The following ESR2 variants were observed in gnomAD, a reference collection of about 807,000 sequenced individuals.
The protein encoded by ESR2 is estrogen receptor 2.
In ESR2, 36 loss-of-function variants were observed where a neutral mutation model predicts 49.6. That is an observed-to-expected ratio of 0.73 (90% CI 0.56 to 0.96). The LOEUF (loss-of-function observed/expected upper bound fraction) is 0.96. Ranked by LOEUF, ESR2 falls within the 40% of genes least tolerant of loss-of-function variation. The pLI, the probability that ESR2 is intolerant of heterozygous loss-of-function variation, is 0.00. For synonymous variants in ESR2, 320 were observed against 266.1 expected (o/e 1.20, Z -1.97); for missense variants, 714 against 693.0 (o/e 1.03, Z -0.34).
At chr14:64,275,402 G>C (rs1465403290) in intron 3 of ESR2, among the ~76,000 whole-genome samples, 2 of 152,036 alleles carry the variant, frequency 1.3e-5, no homozygotes, top group Non-Finnish European at 2.9e-5. Flanking sequence ...AGCCACTCCT[G>C]CTCTTTTTTG....
At chr14:64,332,209 A>G (rs2077468582) in intron 1 of ESR2, 1 of 152,182 alleles carries the variant, frequency 6.6e-6, no homozygotes, top group African/African-American at 2.4e-5. Flanking sequence ...AAACACACAC[A>G]CACCTTGATC....
chr14:64,279,864 A>G, intron 3 of ESR2, 117 bp downstream of exon 3: 1 of 840,340 alleles, frequency 1.2e-6, no homozygotes, highest in South Asian at 1.5e-5. Flanking sequence ...TGAACTGCTC[A>G]TCAAATACTT....
At chr14:64,295,786 C>CTA (rs976000108), upstream of ESR2, among the ~76,000 whole-genome samples, 2 of 152,086 alleles carry the variant, frequency 1.3e-5, no homozygotes, top group African/African-American at 2.4e-5. Context: ...TGGCTCACAC[C>CTA]TATAATCTCA....
Position 64,282,657 on chromosome 14 carries a change from G to T in ESR2, c.329C>A (p.Ala110Glu). Residue 110 changes from alanine to glutamate, a missense_variant, in exon 2 of 9, where the codon GCA becomes GAA. By Grantham distance (107) the Ala-to-Glu change is moderately radical. Transcript: ENST00000341099. Reference protein sequence around the residue: ...AEPQKSPWCEARSLEHTLPVN... With the variant: ...AEPQKSPWCEERSLEHTLPVN... Reference sequence around the variant, plus strand: ...AGGTAAGGTGTGTTCTAGCGATCTTGCTTCACACCAGGGACTCTTTTGAGG... The same window carrying T: ...AGGTAAGGTGTGTTCTAGCGATCTTTCTTCACACCAGGGACTCTTTTGAGG... 1 of 1,609,360 alleles carries T rather than the reference G, an allele frequency of 6.2e-7. No individual in the cohort carries two copies. The highest frequency in any genetic ancestry group is 8.5e-7 in the Non-Finnish European group (1 of 1,175,878).
rs2076916154 is a variant in ESR2, at chr14:64,294,071, GCGGACA to G, written c.-135_-130del. 1.3e-5 allele frequency: 2 copies of G among 152,258 alleles called. No homozygotes were observed. Among genetic ancestry groups the G allele is most frequent in the African/African-American group, 4.8e-5 (2 of 41,474 alleles). The allele number at this position is 152,258 out of a possible 1,614,324, so 9.4% of individuals were successfully genotyped here. ...ACACCGGCCTTGCCTTCTCTAAAATGCGGACACGTGCTTTTCCCGCATTAGGGGGGG... is the reference window on the plus strand; with the variant it reads ...ACACCGGCCTTGCCTTCTCTAAAATGCGTGCTTTTCCCGCATTAGGGGGGG... On this transcript the variant is annotated 5_prime_UTR_variant, in exon 1 of 9. Coordinates refer to ENST00000341099, the MANE Select transcript of ESR2 (RefSeq NM_001437.3).
chr14:64,320,939 A>C (rs2077318262), intron 1 of ESR2, among the ~76,000 whole-genome samples: 1 of 152,108 alleles, frequency 6.6e-6, no homozygotes, highest in African/African-American at 2.4e-5. Context: ...ACTCAATTGT[A>C]ACAAATTTAC....
chr14:64,283,943 T>A (rs2076738644), intron 1 of ESR2, among the ~76,000 whole-genome samples: 2 of 152,036 alleles, frequency 1.3e-5, no homozygotes, highest in South Asian at 4.1e-4. Flanking sequence ...TCTTTGTTTT[T>A]GAGACAAGGT....
rs543245318 is a variant in ESR2 at position 64,233,002 on chromosome 14, G to A, written c.*135C>T. On this transcript the variant is annotated 3_prime_UTR_variant, in exon 9 of 9. Transcript: ENST00000341099. ...TGAGAGTTGGGAAGGTGGAGGGAAG[G>A]ATGGTACATGACCAAGCCTGCCATC... 4.4e-5 allele frequency: 63 copies of A among 1,421,714 alleles called. No individual in the cohort carries two copies. Among genetic ancestry groups the A allele is most frequent in the Non-Finnish European group, 5.6e-5 (61 of 1,086,690 alleles). 88.1% of individuals were successfully genotyped at this position (1,421,714 alleles called of 1,614,324 possible).
intron 7 of ESR2, among the ~76,000 whole-genome samples, chr14:64,242,469 A>T (rs1055922897): frequency 1.7e-4 from 26 of 150,216 alleles, no homozygotes; most frequent in Middle Eastern, 3.4e-3. Flanking sequence ...TATATATATA[A>T]AATCATATGG....
intron 1 of ESR2, among the ~76,000 whole-genome samples, chr14:64,284,102 A>AT (rs1248118721): frequency 2.6e-5 from 4 of 151,562 alleles, no homozygotes; most frequent in East Asian, 2.0e-4. Context: ...AATTTGTTGT[A>AT]TTTTTTAGTA....
At chr14:64,308,749 T>C (rs2077144885) in intron 1 of ESR2, among the ~76,000 whole-genome samples, 1 of 149,290 alleles carries the variant, frequency 6.7e-6, no homozygotes, top group African/African-American at 2.5e-5. Context: ...GTTGTTTGTT[T>C]AAAAGGTCAT....
Position 64,231,615 on chromosome 14 carries a change from A to G in ESR2, c.*1522T>C, listed in dbSNP as rs1279725413. ...ACTAGCAAAAACCAGTCTTGGTAACACTGAATGCAGTCTTCCTAATGACTT... is the reference window on the plus strand; with the variant it reads ...ACTAGCAAAAACCAGTCTTGGTAACGCTGAATGCAGTCTTCCTAATGACTT... On this transcript the variant is annotated 3_prime_UTR_variant, in exon 9 of 9. Transcript: ENST00000341099. The G allele has an allele frequency of 1.3e-5, 2 of 152,368 alleles. No individual in the cohort carries two copies. The highest frequency in any genetic ancestry group is 2.9e-5 in the Non-Finnish European group (2 of 68,024). 9.4% of individuals were successfully genotyped at this position (152,368 alleles called of 1,614,324 possible).
At chr14:64,324,805 A>T (rs909957294) in intron 1 of ESR2, among the ~76,000 whole-genome samples, 9 of 152,246 alleles carry the variant, frequency 5.9e-5, no homozygotes, top group African/African-American at 2.2e-4. Context: ...GACTATTAAG[A>T]CTTGACATTT....
At chr14:64,335,971 ATTTGTG>A (rs1402739170) in intron 1 of ESR2, 4 of 105,350 alleles carry the variant, frequency 3.8e-5, no homozygotes, top group East Asian at 2.9e-4. Flanking sequence ...CGCCCAGCTA[ATTTGTG>A]TGTGTGTGTG....
In ESR2 at chr14:64,260,537, G is replaced by C. The variant is rs1208050021; in HGVS notation, c.864C>G (p.Pro288=). The C allele has an allele frequency of 6.4e-7, 1 of 1,568,152 alleles. No homozygotes were observed. The highest frequency in any genetic ancestry group is 1.4e-5 in the African/African-American group (1 of 73,342). Residue 288 remains proline (P), a synonymous_variant, in exon 5 of 9, where the codon CCC becomes CCG. Coordinates refer to ENST00000341099, the MANE Select transcript of ESR2 (RefSeq NM_001437.3). The part of the protein sequence containing the change: ...PHVLISRPSA[P]FTEASMMMSL... ...ACATCATCATGGAGGCCTCGGTGAA[G>C]GGCGCACTGGGGCGGCTGATCAGCA...
At position 64,244,736 on chromosome 14, in the gene ESR2, C is replaced by T. The variant is rs554076796; in HGVS notation, c.1225+4810G>A. On this transcript the variant is annotated intron_variant, in intron 7 of 8. Coordinates refer to ENST00000341099, the MANE Select transcript of ESR2 (RefSeq NM_001437.3). ...CTGGCTTCCCTGGTTCACTAGCATG[C>T]AGACGCATATCATGTGACTTCTCAG... Among the ~76,000 whole-genome samples, 18 of 152,368 alleles carry T rather than the reference C, an allele frequency of 1.2e-4. 1 individual carries two copies. The South Asian group carries it at 3.3e-3, about 28-fold the overall frequency.
At chr14:64,244,358 C>G (rs1459634138) in intron 7 of ESR2, among the ~76,000 whole-genome samples, 2 of 151,470 alleles carry the variant, frequency 1.3e-5, no homozygotes, top group Admixed American at 1.3e-4. Flanking sequence ...CAAGATGGCA[C>G]CACTGCACTC....
intron 1 of ESR2, among the ~76,000 whole-genome samples, chr14:64,292,725 T>C (rs1038790581): frequency 4.6e-5 from 7 of 152,234 alleles, no homozygotes; most frequent in African/African-American, 9.6e-5. Flanking sequence ...CATACACTTA[T>C]AGAAAATTTC....
At chr14:64,267,007 A>C (rs1358511260) in intron 4 of ESR2, among the ~76,000 whole-genome samples, 1 of 152,076 alleles carries the variant, frequency 6.6e-6, no homozygotes, top group African/African-American at 2.4e-5. Context: ...CAGCCTCCCA[A>C]GTAGCTGGGA....
Sources: allele counts gnomAD v4.1 joint callset (sites outside exome capture counted in the v4.1 genomes callset), GRCh38; gene constraint gnomAD v4.1.1; transcripts MANE v1.5; gene names NCBI Gene and HGNC (gene_info 2026-07-23, HGNC 2026-07-21).